The following SRGAP2B variants were observed in gnomAD, a reference collection of about 807,000 sequenced individuals.
SRGAP2B encodes the protein SLIT-ROBO Rho GTPase activating protein 2B, also known as SLIT-ROBO Rho GTPase-activating protein 2B.
SRGAP2B carries 9 observed loss-of-function variants against 22.2 expected under a neutral mutation model. The ratio of observed to expected loss-of-function variants is 0.41; its 90% CI spans 0.24 to 0.71. The LOEUF is 0.71. Among genes scored for constraint, SRGAP2B ranks in the 30% least tolerant of loss-of-function variants. SRGAP2B has a pLI of 0.35. For synonymous variants in SRGAP2B, 36 were observed against 87.4 expected, an observed-to-expected ratio of 0.41 and a Z score of 3.28; for missense variants, 114 against 235.8, an observed-to-expected ratio of 0.48 and a Z score of 3.38.
At position 144,965,259 on chromosome 1, in the gene SRGAP2B, A is replaced by G. The variant is rs1667991507; in HGVS notation, c.261-9658T>C. 1.0e-5 allele frequency: 5 copies of G among 500,930 alleles called. 1 individual carries two copies. Among genetic ancestry groups the G allele is most frequent in the South Asian group, 5.8e-5 (3 of 51,286 alleles). The allele number at this position is 500,930 out of a possible 1,614,324, so 31.0% of individuals were successfully genotyped here. A position where few individuals can be genotyped will look rare whatever the true frequency, so the allele number is the denominator to read the frequency against. On this transcript the variant is annotated intron_variant, in intron 3 of 9. Transcript: ENST00000612199. ...GCATTTCCATCTGAGCTTTGAAGAG[A>G]GCAGTGGTTCTCCCAGCACGCAGCT...
At chr1:145,068,855 G>C (rs535380) in intron 2 of SRGAP2B, among the ~76,000 whole-genome samples, 1,296 of 120,030 alleles carry the variant, frequency 0.011, 19 homozygotes, top group African/African-American at 0.034. Context: ...ATTACAAATA[G>C]TTAAAATTAT....
In SRGAP2B at chr1:145,030,460, C is replaced by A. The variant is rs1374821637; in HGVS notation, c.68-35260G>T. Among the ~76,000 whole-genome samples, 15 of 126,634 alleles carry A rather than the reference C, an allele frequency of 1.2e-4. No homozygotes were observed. In the East Asian group the frequency reaches 1.9e-3, roughly 16 times the overall value. 83.1% of individuals were successfully genotyped at this position (126,634 alleles called of 152,430 possible). ...CAAACTATCGCAAGGAAAAAAAAAACCAAACACGGCATGTTCTCATTCATA... is the reference window on the plus strand; with the variant it reads ...CAAACTATCGCAAGGAAAAAAAAAAACAAACACGGCATGTTCTCATTCATA... On this transcript the variant is annotated intron_variant, in intron 2 of 9. Transcript: ENST00000612199.
Position 144,986,866 on chromosome 1 carries a change from T to C in SRGAP2B, c.260+8142A>G, listed in dbSNP as rs150317931. Among the ~76,000 whole-genome samples, 368 of 150,872 alleles carry C rather than the reference T, an allele frequency of 2.4e-3. 20 individuals are homozygous for C. Among genetic ancestry groups the C allele is most frequent in the African/African-American group, 8.7e-3 (351 of 40,336 alleles). ...TTTATTTCACTATCACATTTATAAT[T>C]ACTGTTCTTCAGCAAAACAGATAAG... On this transcript the variant is annotated intron_variant, in intron 3 of 9. Transcript: ENST00000612199.
At chr1:145,011,566 C>A (rs1306907689) in intron 2 of SRGAP2B, among the ~76,000 whole-genome samples, 1 of 150,092 alleles carries the variant, frequency 6.7e-6, no homozygotes, top group Non-Finnish European at 1.5e-5. Context: ...TTCCCTACCC[C>A]AGTAACGGTA....
chr1:145,020,635 T>C (rs1313043940), intron 2 of SRGAP2B, among the ~76,000 whole-genome samples: 2 of 148,140 alleles, frequency 1.4e-5, no homozygotes, highest in Admixed American at 1.3e-4. Context: ...CTTTATTGTA[T>C]TGACTGAAAT....
At chr1:144,897,731 A>G (rs1662399422) in intron 7 of SRGAP2B, among the ~76,000 whole-genome samples, 2 of 149,294 alleles carry the variant, frequency 1.3e-5, no homozygotes, top group Non-Finnish European at 2.9e-5. Context: ...ACTGAGGCTT[A>G]CTGTGGTTAA....
At chr1:144,965,223 G>A (rs587679670) in intron 3 of SRGAP2B, 22 of 769,268 alleles carry the variant, frequency 2.9e-5, no homozygotes, top group South Asian at 1.6e-4. Context: ...CACAGAAGAC[G>A]GGTGATTTCT....
chr1:145,069,966 C>T (rs1288698606), intron 2 of SRGAP2B, among the ~76,000 whole-genome samples: 2 of 148,680 alleles, frequency 1.3e-5, no homozygotes, highest in East Asian at 2.0e-4. Context: ...GTATATTTCT[C>T]TAACACACCC....
chr1:145,030,479 A>C (rs1370450334), intron 2 of SRGAP2B, among the ~76,000 whole-genome samples: 9 of 104,216 alleles, frequency 8.6e-5, no homozygotes, highest in Non-Finnish European at 1.4e-4. Flanking sequence ...GCATGTTCTC[A>C]TTCATAGGTG....
At chr1:144,999,231 T>C (rs1670945538) in intron 2 of SRGAP2B, among the ~76,000 whole-genome samples, 1 of 150,228 alleles carries the variant, frequency 6.7e-6, no homozygotes. Context: ...TGCCAGTTCC[T>C]TCCCTAGAAA....
chr1:144,934,403 C>CAAAAAAAAAAAAA (rs782588401), intron 4 of SRGAP2B, among the ~76,000 whole-genome samples: 3 of 40,682 alleles, frequency 7.4e-5, no homozygotes, highest in Admixed American at 2.3e-4. Flanking sequence ...AACTCCATCT[C>CAAAAAAAAAAAAA]AAAAAAAAAA....
At chr1:144,897,501 C>T (rs1346085909) in intron 7 of SRGAP2B, among the ~76,000 whole-genome samples, 161 bp from the exon 8 acceptor site, 1 of 74,968 alleles carries the variant, frequency 1.3e-5, no homozygotes, top group African/African-American at 6.5e-5. Flanking sequence ...TGAGAGTTCT[C>T]AGTTCTTGAC....
chr1:144,956,998 A>C (rs603444), intron 3 of SRGAP2B, among the ~76,000 whole-genome samples: 1 of 150,832 alleles, frequency 6.6e-6, no homozygotes, highest in Non-Finnish European at 1.5e-5. Flanking sequence ...CCACATTTGG[A>C]AGATGAGGAA....
intron 4 of SRGAP2B, among the ~76,000 whole-genome samples, chr1:144,928,918 C>T (rs1393511940): frequency 2.7e-5 from 4 of 150,016 alleles, no homozygotes; most frequent in Non-Finnish European, 4.4e-5. Flanking sequence ...TACAATCTCA[C>T]CAGCAATGTA....
chr1:145,009,335 T>A (rs1171200550), intron 2 of SRGAP2B, among the ~76,000 whole-genome samples: 1 of 150,266 alleles, frequency 6.7e-6, no homozygotes, highest in Non-Finnish European at 1.5e-5. Context: ...ACGCCTGTAA[T>A]CCCAGCACTT....
intron 4 of SRGAP2B, among the ~76,000 whole-genome samples, chr1:144,932,662 T>A (rs370502575): frequency 0.2 from 25,097 of 128,590 alleles, 3,168 homozygotes; most frequent in Middle Eastern, 0.31. Flanking sequence ...AGAAGCATTT[T>A]TTTTTAAAGC....
At position 144,951,620 on chromosome 1, in the gene SRGAP2B, A is replaced by G. The variant is rs1463146581; in HGVS notation, c.423+3819T>C. 4.7e-5 allele frequency among the ~76,000 whole-genome samples: 7 copies of G among 150,418 alleles called. No homozygotes were observed. The East Asian group carries it at 1.4e-3, about 29-fold the overall frequency. On this transcript the variant is annotated intron_variant, in intron 4 of 9. Transcript: ENST00000612199. Reference sequence around the variant, plus strand: ...GTGCTTAACACGATACCTGGCACATAGAGGTTCAAAATATAATGACTTCTA... The same window carrying G: ...GTGCTTAACACGATACCTGGCACATGGAGGTTCAAAATATAATGACTTCTA...
chr1:144,965,034 C>T, intron 3 of SRGAP2B: 1 of 1,101,304 alleles, frequency 9.1e-7, no homozygotes, highest in Non-Finnish European at 1.4e-6. Context: ...CATGGATAAT[C>T]TCAGTGATAC....
intron 4 of SRGAP2B, among the ~76,000 whole-genome samples, 163 bp downstream of exon 4, chr1:144,955,275 AG>A (rs1375913110): frequency 1.4e-5 from 2 of 145,528 alleles, no homozygotes; most frequent in Admixed American, 6.8e-5. Flanking sequence ...TTTAGGTTCA[AG>A]GGGGGTATAT....
Sources: gnomAD v4.1 joint callset for allele counts (sites outside exome capture counted in the v4.1 genomes callset) on GRCh38, gnomAD v4.1.1 for gene constraint, MANE v1.5 for transcripts, NCBI Gene and HGNC (gene_info 2026-07-23, HGNC 2026-07-21) for gene names.